SPSB4: variants seen among roughly 807,000 people sequenced by gnomAD.
SPSB4 encodes the protein SPRY domain-containing SOCS box protein 4.
Under a neutral mutation model 20.9 loss-of-function variants are expected in SPSB4, and 21 were observed. That is an observed-to-expected ratio of 1.01 (90% CI 0.71 to 1.45). SPSB4 has a LOEUF of 1.45. SPSB4 is among the 40% of genes most tolerant of loss of function. SPSB4 has a pLI of 0.00. For missense variants in SPSB4, 399 were observed against 399.2 expected, an observed-to-expected ratio of 1.00 and a Z score of 0.00; for synonymous variants, 207 against 183.8, an observed-to-expected ratio of 1.13 and a Z score of -1.02.
intron 2 of SPSB4, among the ~76,000 whole-genome samples, chr3:141,121,961 C>T (rs878941514): frequency 1.3e-5 from 2 of 152,104 alleles, no homozygotes; most frequent in Admixed American, 6.6e-5. Flanking sequence ...CCTTTGCTGG[C>T]GAGGATCTGC....
At chr3:141,120,037 C>T (rs1168512715) in intron 2 of SPSB4, among the ~76,000 whole-genome samples, 2 of 152,110 alleles carry the variant, frequency 1.3e-5, no homozygotes, top group African/African-American at 4.8e-5. Context: ...TTCCTGCTTC[C>T]TCTTGTGGGC....
intron 2 of SPSB4, among the ~76,000 whole-genome samples, chr3:141,069,250 G>A (rs771048310): frequency 3.9e-5 from 6 of 152,184 alleles, no homozygotes; most frequent in African/African-American, 7.2e-5. Flanking sequence ...GCCAGCCTGG[G>A]ACAATCTCTG....
chr3:141,124,459 T>C (rs1939019374), intron 2 of SPSB4, among the ~76,000 whole-genome samples: 1 of 152,130 alleles, frequency 6.6e-6, no homozygotes, highest in Non-Finnish European at 1.5e-5. Context: ...TGAGAACCAC[T>C]CACAGGCCTC....
intron 2 of SPSB4, among the ~76,000 whole-genome samples, chr3:141,137,449 C>T (rs988238886): frequency 9.2e-5 from 14 of 152,226 alleles, no homozygotes; most frequent in South Asian, 6.2e-4. Context: ...TTTGCCCATT[C>T]GGTATGATAT....
chr3:141,114,963 C>G (rs183088077), intron 2 of SPSB4, among the ~76,000 whole-genome samples: 1 of 152,218 alleles, frequency 6.6e-6, no homozygotes, highest in Admixed American at 6.5e-5. Context: ...GCCCAGCAGC[C>G]CTGCCAATGT....
chr3:141,147,238 AG>A lies in SPSB4; in HGVS notation c.792del (p.Gln264HisfsTer38), dbSNP rs1237099463. On this transcript the variant is annotated frameshift_variant, in exon 3 of 3. Transcript: ENST00000310546. LOFTEE classifies it high-confidence loss of function. ...GACATCAGCTCCCTGCCCCTGCCTC[AG>A]TCTCTCAAAAACTATCTGCAGTACC... ...LQDISSLPLP[Q>X]SLKNYLQYQ 1 of 1,614,100 alleles carries A rather than the reference AG, an allele frequency of 6.2e-7. No homozygotes were observed. The highest frequency in any genetic ancestry group is 8.5e-7 in the Non-Finnish European group (1 of 1,180,052).
chr3:141,138,313 GT>G (rs1395915744), intron 2 of SPSB4, among the ~76,000 whole-genome samples: 2 of 152,084 alleles, frequency 1.3e-5, no homozygotes, highest in Admixed American at 6.6e-5. Flanking sequence ...TTTTTGAAGG[GT>G]TTTTTGTGTC....
chr3:141,107,973 A>C (rs912640128), intron 2 of SPSB4, among the ~76,000 whole-genome samples: 3 of 146,408 alleles, frequency 2.0e-5, no homozygotes, highest in Admixed American at 6.8e-5. Flanking sequence ...AAATAAAATA[A>C]AAGATTTTTA....
At chr3:141,097,125 G>T (rs544380000) in intron 2 of SPSB4, among the ~76,000 whole-genome samples, 1 of 152,310 alleles carries the variant, frequency 6.6e-6, no homozygotes, top group South Asian at 2.1e-4. Flanking sequence ...CACTCAGCCT[G>T]CATGGGGACT....
chr3:141,065,019 G>C (rs1203973555), intron 1 of SPSB4, among the ~76,000 whole-genome samples: 2 of 152,220 alleles, frequency 1.3e-5, no homozygotes, highest in African/African-American at 4.8e-5. Flanking sequence ...CCTGTCGGCA[G>C]AGTTCCAGGA....
At chr3:141,075,205 G>T (rs952806851) in intron 2 of SPSB4, among the ~76,000 whole-genome samples, 3 of 152,118 alleles carry the variant, frequency 2.0e-5, no homozygotes, top group African/African-American at 7.2e-5. Flanking sequence ...CAGGGGTGAT[G>T]CTGATGGGTT....
At position 141,147,368 on chromosome 3, in the gene SPSB4, T is replaced by G; in HGVS notation, c.*99T>G. The G allele has an allele frequency of 6.5e-7, 1 of 1,546,540 alleles. No individual in the cohort carries two copies. Among genetic ancestry groups the G allele is most frequent in the Admixed American group, 1.8e-5 (1 of 55,656 alleles). On this transcript the variant is annotated 3_prime_UTR_variant, in exon 3 of 3. Transcript: ENST00000310546. ...GGCACATAGGGGAAAGGATCTACCC[T>G]TCTCCTGGCTCCCCAGGACACTCAG...
At position 141,066,081 on chromosome 3, in the gene SPSB4, G is replaced by A; in HGVS notation, c.-24G>A. 6.7e-7 allele frequency: 1 copy of A among 1,492,978 alleles called. No homozygotes were observed. Among genetic ancestry groups the A allele is most frequent in the African/African-American group, 1.5e-5 (1 of 68,538 alleles). The allele number at this position is 1,492,978 out of a possible 1,614,324, so 92.5% of individuals were successfully genotyped here. On this transcript the variant is annotated 5_prime_UTR_variant, in exon 2 of 3. Transcript: ENST00000310546. The stretch of plus-strand genomic sequence containing the variant: ...TCCCACGAGGTAGCGGTGGCCTGCA[G>A]CGGCCTCCTCCCCGCAGTGAAGCAT...
At chr3:141,106,001 CAA>C (rs1481055992) in intron 2 of SPSB4, among the ~76,000 whole-genome samples, 1 of 152,130 alleles carries the variant, frequency 6.6e-6, no homozygotes, top group African/African-American at 2.4e-5. Context: ...GGATGTAAAT[CAA>C]GAGCAAAGAC....
intron 2 of SPSB4, among the ~76,000 whole-genome samples, chr3:141,128,025 A>G (rs934375884): frequency 1.3e-5 from 2 of 152,078 alleles, no homozygotes; most frequent in Non-Finnish European, 2.9e-5. Flanking sequence ...GTTCAACTGG[A>G]TGAGGAGGGA....
chr3:141,082,043 A>G (rs1576523082), intron 2 of SPSB4, among the ~76,000 whole-genome samples: 1 of 152,012 alleles, frequency 6.6e-6, no homozygotes. Flanking sequence ...TGGCTGCCGC[A>G]TGGGGAGCAC....
chr3:141,086,017 G>A (rs981761859), intron 2 of SPSB4, among the ~76,000 whole-genome samples: 3 of 152,206 alleles, frequency 2.0e-5, no homozygotes, highest in Non-Finnish European at 4.4e-5. Context: ...CTGTGTGGTT[G>A]GAGCATGAAT....
chr3:141,087,225 G>C (rs1938361733), intron 2 of SPSB4, among the ~76,000 whole-genome samples: 1 of 152,284 alleles, frequency 6.6e-6, no homozygotes, highest in South Asian at 2.1e-4. Context: ...CAGTAGTATG[G>C]CTGCAGTAGG....
intron 2 of SPSB4, among the ~76,000 whole-genome samples, chr3:141,142,803 C>CTTTTTTTTTTTTTTTT (rs57674247): frequency 4.8e-5 from 3 of 61,992 alleles, no homozygotes; most frequent in African/African-American, 1.0e-4. Flanking sequence ...CCCTCTTTGT[C>CTTTTTTTTTTTTTTTT]TTTTTTTTTT....
Sources: gnomAD v4.1 joint callset for allele counts (sites outside exome capture counted in the v4.1 genomes callset) on GRCh38, gnomAD v4.1.1 for gene constraint, MANE v1.5 for transcripts, NCBI Gene and HGNC (gene_info 2026-07-23, HGNC 2026-07-21) for gene names.